Variants in NLK observed in about 807,000 individuals in gnomAD.
The protein encoded by NLK is serine/threonine-protein kinase NLK.
A neutral mutation model predicts 59.0 loss-of-function variants in NLK; 11 were observed. The ratio of observed to expected loss-of-function variants is 0.19; its 90% CI spans 0.12 to 0.31. The LOEUF is 0.31. Ranked by LOEUF, NLK falls within the 10% of genes least tolerant of loss-of-function variation. The pLI is 1.00. For missense variants in NLK, 410 were observed against 661.1 expected (o/e 0.62, Z 4.16); for synonymous variants, 235 against 235.9 (o/e 1.00, Z 0.03).
At chr17:28,177,942 A>G (rs752910059) in intron 7 of NLK, among the ~76,000 whole-genome samples, 3 of 152,170 alleles carry the variant, frequency 2.0e-5, no homozygotes, top group Non-Finnish European at 4.4e-5. Context: ...CAGAAATCAC[A>G]TCGATATTCA....
rs776205108 is a variant in NLK, at chr17:28,043,349, AAC to A, written c.458+22_458+23del. The A allele has an allele frequency of 6.6e-7, 1 of 1,512,026 alleles. No individual in the cohort carries two copies. The highest frequency in any genetic ancestry group is 2.3e-5 in the East Asian group (1 of 43,776). 93.7% of individuals were successfully genotyped at this position (1,512,026 alleles called of 1,614,324 possible). ...GTTGTCTGGTGAGTATCCAAAGAAA[AAC>A]ACAACCTCTCATGGTTTCTTCTGTT... On this transcript the variant is annotated intron_variant, in intron 1 of 10. Coordinates refer to ENST00000407008, the MANE Select transcript of NLK (RefSeq NM_016231.5).
chr17:28,148,399 A>G (rs1437591935), intron 3 of NLK, among the ~76,000 whole-genome samples: 1 of 152,230 alleles, frequency 6.6e-6, no homozygotes. Context: ...TATATGATTC[A>G]TAAGTGCAGG....
At chr17:28,135,404 C>A (rs761174772) in intron 3 of NLK, among the ~76,000 whole-genome samples, 19 of 152,204 alleles carry the variant, frequency 1.2e-4, no homozygotes, top group Admixed American at 2.0e-4. Flanking sequence ...TTTTCCCTTC[C>A]CCTCCAGAGG....
At chr17:28,177,610 G>A (rs776033486) in intron 7 of NLK, among the ~76,000 whole-genome samples, 9 of 152,178 alleles carry the variant, frequency 5.9e-5, no homozygotes, top group Non-Finnish European at 1.3e-4. Flanking sequence ...CCAAGTGTTT[G>A]CAAAGATGGA....
At chr17:28,057,689 G>A (rs1456331729) in intron 1 of NLK, among the ~76,000 whole-genome samples, 2 of 152,112 alleles carry the variant, frequency 1.3e-5, no homozygotes, top group African/African-American at 2.4e-5. Context: ...TTAAGTTATT[G>A]TAGCTTTTTT....
At chr17:28,100,509 A>T (rs1179844064) in intron 1 of NLK, among the ~76,000 whole-genome samples, 1 of 152,184 alleles carries the variant, frequency 6.6e-6, no homozygotes, top group East Asian at 1.9e-4. Flanking sequence ...TTTTCTGACT[A>T]GTGATTGTTG....
chr17:28,078,574 G>A (rs1353496933), intron 1 of NLK, among the ~76,000 whole-genome samples: 1 of 152,032 alleles, frequency 6.6e-6, no homozygotes, highest in African/African-American at 2.4e-5. Flanking sequence ...TACTACACGT[G>A]TTCTCATTGT....
chr17:28,097,665 A>G (rs1019800428), intron 1 of NLK, among the ~76,000 whole-genome samples: 1 of 152,084 alleles, frequency 6.6e-6, no homozygotes, highest in African/African-American at 2.4e-5. Context: ...GAAATTACCT[A>G]TAGTTGTTAT....
intron 1 of NLK, among the ~76,000 whole-genome samples, chr17:28,081,367 T>A (rs999767336): frequency 1.3e-4 from 19 of 151,778 alleles, no homozygotes; most frequent in East Asian, 5.8e-4. Flanking sequence ...AAAAAAAAAA[T>A]TTAATTTTTT....
chr17:28,192,303 A>T, intron 10 of NLK, 90 bp downstream of exon 10: 4 of 709,262 alleles, frequency 5.6e-6, no homozygotes, highest in Non-Finnish European at 7.2e-6. Context: ...TTTTATTTAG[A>T]TAACATAGAT....
chr17:28,128,798 C>T lies in NLK; in HGVS notation c.589-3822C>T, dbSNP rs111452773. Among the ~76,000 whole-genome samples, 1,353 of 152,222 alleles carry T rather than the reference C, an allele frequency of 8.9e-3. 21 individuals are homozygous for T. Among genetic ancestry groups the T allele is most frequent in the African/African-American group, 0.031 (1,274 of 41,528 alleles). On this transcript the variant is annotated intron_variant, in intron 2 of 10. Coordinates refer to ENST00000407008, the MANE Select transcript of NLK (RefSeq NM_016231.5). ...ACCCAATGACCCAGCAATTCTATTT[C>T]GTATACACTCAAGAGAAATGAATGC... is the stretch of plus-strand genomic sequence containing the variant.
At chr17:28,071,221 T>G (rs1434486039) in intron 1 of NLK, among the ~76,000 whole-genome samples, 1 of 152,210 alleles carries the variant, frequency 6.6e-6, no homozygotes, top group Admixed American at 6.5e-5. Flanking sequence ...TGAAGTCAGA[T>G]AGCGTAAGTC....
rs550963431 is a variant in NLK, at chr17:28,157,405, C to T, written c.645-3755C>T. On this transcript the variant is annotated intron_variant, in intron 3 of 10. Transcript: ENST00000407008. ...GGGGTTTCACCATGTTGGCCAGGCT[C>T]GTCTCAAACTTCTGACCTCAAGTGA... Among the ~76,000 whole-genome samples, 39 of 151,930 alleles carry T rather than the reference C, an allele frequency of 2.6e-4. No individual in the cohort carries two copies. The South Asian group carries it at 6.2e-3, about 24-fold the overall frequency.
intron 7 of NLK, among the ~76,000 whole-genome samples, chr17:28,173,596 T>C (rs1396953914): frequency 2.6e-5 from 4 of 152,228 alleles, no homozygotes; most frequent in Admixed American, 6.5e-5. Flanking sequence ...AATAGAGATG[T>C]ATGCTTGTAT....
chr17:28,128,344 A>T (rs1044032845), intron 2 of NLK, among the ~76,000 whole-genome samples: 3 of 152,206 alleles, frequency 2.0e-5, no homozygotes, highest in Non-Finnish European at 4.4e-5. Context: ...CATATATCCA[A>T]TAAAATACTT....
chr17:28,145,021 A>G (rs943928315), intron 3 of NLK, among the ~76,000 whole-genome samples: 10 of 152,364 alleles, frequency 6.6e-5, no homozygotes, highest in East Asian at 1.9e-4. Flanking sequence ...TGCATATTCT[A>G]TGCCTGTCAT....
chr17:28,136,679 C>T (rs1906761542), intron 3 of NLK, among the ~76,000 whole-genome samples: 1 of 152,174 alleles, frequency 6.6e-6, no homozygotes, highest in South Asian at 2.1e-4. Context: ...TCTCGGCTTA[C>T]TGCAACCTCC....
intron 1 of NLK, among the ~76,000 whole-genome samples, chr17:28,059,259 A>G (rs1909548932): frequency 2.0e-5 from 3 of 151,984 alleles, no homozygotes; most frequent in Admixed American, 1.3e-4. Context: ...TTTAGACCCA[A>G]CCCGATGGTA....
chr17:28,105,880 C>T (rs1353427443), intron 1 of NLK, among the ~76,000 whole-genome samples: 1 of 152,198 alleles, frequency 6.6e-6, no homozygotes, highest in Non-Finnish European at 1.5e-5. Flanking sequence ...GTGCCCAAAG[C>T]CAAAGCCATA....
Sources: gnomAD v4.1 joint callset for allele counts (sites outside exome capture counted in the v4.1 genomes callset) on GRCh38, gnomAD v4.1.1 for gene constraint, MANE v1.5 for transcripts, NCBI Gene and HGNC (gene_info 2026-07-23, HGNC 2026-07-21) for gene names.